Variants in SCAPER observed in about 807,000 individuals in gnomAD.
SCAPER encodes the protein S phase cyclin A-associated protein in the endoplasmic reticulum.
A neutral mutation model predicts 182.2 loss-of-function variants in SCAPER; 98 were observed. The observed-to-expected ratio is 0.54, with a 90% CI of 0.46 to 0.64. The LOEUF is 0.64. Among genes scored for constraint, SCAPER ranks in the 30% least tolerant of loss-of-function variants. The probability of loss-of-function intolerance (pLI) is 0.00; values close to 1 mark genes in which losing one functional copy is unlikely to be tolerated. For synonymous variants in SCAPER, 605 were observed against 564.6 expected (o/e 1.07, Z -1.01); for missense variants, 1,432 against 1,690.0 (o/e 0.85, Z 2.68).
At chr15:76,535,804 T>A (rs1445836355) in intron 23 of SCAPER, among the ~76,000 whole-genome samples, 2 of 152,150 alleles carry the variant, frequency 1.3e-5, no homozygotes, top group African/African-American at 4.8e-5. Flanking sequence ...TGGTCATCAG[T>A]TTATGAATCA....
intron 26 of SCAPER, among the ~76,000 whole-genome samples, chr15:76,420,012 A>G (rs192875385): frequency 6.6e-6 from 1 of 152,314 alleles, no homozygotes; most frequent in East Asian, 1.9e-4. Flanking sequence ...GATACACCAC[A>G]TGAACAGAAA....
At position 76,681,104 on chromosome 15, in the gene SCAPER, T is replaced by C. The variant is rs144998191; in HGVS notation, c.2509-15315A>G. Among the ~76,000 whole-genome samples, 397 of 152,310 alleles carry C rather than the reference T, an allele frequency of 2.6e-3. 2 individuals are homozygous for C. The highest frequency in any genetic ancestry group is 9.0e-3 in the African/African-American group (373 of 41,556). Reference sequence around the variant, plus strand: ...TCATGGTGATGGTTCCATGGTGTTATGTATATGCCAAAATTAATTAAATTG... The same window carrying C: ...TCATGGTGATGGTTCCATGGTGTTACGTATATGCCAAAATTAATTAAATTG... On this transcript the variant is annotated intron_variant, in intron 20 of 31. Transcript: ENST00000563290.
At chr15:76,740,781 G>C (rs181846770) in intron 15 of SCAPER, among the ~76,000 whole-genome samples, 5 of 151,954 alleles carry the variant, frequency 3.3e-5, no homozygotes, top group Non-Finnish European at 7.4e-5. Flanking sequence ...GCAATGAGTC[G>C]ATTTACATAT....
intron 17 of SCAPER, among the ~76,000 whole-genome samples, chr15:76,720,804 C>G (rs1035414609): frequency 2.6e-5 from 4 of 152,070 alleles, no homozygotes; most frequent in African/African-American, 7.2e-5. Flanking sequence ...TGTTTGAGTT[C>G]ATTGTAGATT....
intron 23 of SCAPER, among the ~76,000 whole-genome samples, chr15:76,565,881 A>G (rs745445830): frequency 6.6e-6 from 1 of 152,144 alleles, no homozygotes; most frequent in Non-Finnish European, 1.5e-5. Context: ...TTGACAAAAT[A>G]TGGGTGTCAT....
At chr15:76,901,492 A>G (rs902708285) in intron 1 of SCAPER, among the ~76,000 whole-genome samples, 9 of 152,220 alleles carry the variant, frequency 5.9e-5, no homozygotes, top group African/African-American at 1.9e-4. Flanking sequence ...CTTCAAAACA[A>G]TTTAGTGAGG....
At chr15:76,471,098 CTTTTT>C in intron 25 of SCAPER, 109 bp downstream of exon 25, 1 of 515,502 alleles carries the variant, frequency 1.9e-6, no homozygotes, top group East Asian at 5.3e-5. Context: ...TCTTCTTCTT[CTTTTT>C]TTTTTTTTTC....
At chr15:76,833,107 A>G (rs936564883) in intron 5 of SCAPER, among the ~76,000 whole-genome samples, 3 of 152,062 alleles carry the variant, frequency 2.0e-5, no homozygotes, top group Non-Finnish European at 4.4e-5. Context: ...AGAAGAAAAA[A>G]CCTTAAAGGC....
intron 31 of SCAPER, chr15:76,349,852 C>G (rs981607555): frequency 2.6e-5 from 4 of 151,900 alleles, no homozygotes; most frequent in Admixed American, 2.6e-4. Flanking sequence ...CCTCAGTCCA[C>G]CAAGCAGAGA....
At chr15:76,470,919 A>G (rs1272263280) in intron 25 of SCAPER, among the ~76,000 whole-genome samples, 4 of 152,206 alleles carry the variant, frequency 2.6e-5, no homozygotes, top group African/African-American at 4.8e-5. Context: ...TTTGCATCCA[A>G]CTGATTCCAA....
At chr15:76,839,888 T>C (rs775519634) in intron 5 of SCAPER, among the ~76,000 whole-genome samples, 6 of 152,210 alleles carry the variant, frequency 3.9e-5, no homozygotes, top group Non-Finnish European at 8.8e-5. Flanking sequence ...TCAAAAAGTA[T>C]ATATATTTTT....
chr15:76,581,391 C>T (rs2469240), intron 22 of SCAPER, among the ~76,000 whole-genome samples: 147,909 of 152,292 alleles, frequency 0.97, 71,960 homozygotes, highest in South Asian at 1. Flanking sequence ...CTGATGAACA[C>T]TGATATAAAA....
chr15:76,830,784 C>T (rs150767516), intron 5 of SCAPER, among the ~76,000 whole-genome samples: 6 of 151,872 alleles, frequency 4.0e-5, no homozygotes, highest in African/African-American at 1.5e-4. Flanking sequence ...GCTTCACCCA[C>T]CAAGAAAGAT....
chr15:76,755,635 T>C (rs1374085390), intron 14 of SCAPER, among the ~76,000 whole-genome samples: 2 of 152,188 alleles, frequency 1.3e-5, no homozygotes, highest in African/African-American at 4.8e-5. Flanking sequence ...TTAAGATCCT[T>C]ATGTAATCTC....
intron 23 of SCAPER, among the ~76,000 whole-genome samples, chr15:76,557,488 A>G (rs2046277471): frequency 6.6e-6 from 1 of 152,140 alleles, no homozygotes; most frequent in Admixed American, 6.5e-5. Context: ...CTTCTTATGA[A>G]TGGTTTAGCC....
At chr15:76,391,754 G>C (rs2043715278) in intron 27 of SCAPER, among the ~76,000 whole-genome samples, 1 of 152,202 alleles carries the variant, frequency 6.6e-6, no homozygotes, top group Admixed American at 6.5e-5. Context: ...CTGACGGGAA[G>C]CTGCTAGGAT....
chr15:76,634,769 T>C (rs1426467677), intron 21 of SCAPER, among the ~76,000 whole-genome samples: 2 of 152,172 alleles, frequency 1.3e-5, no homozygotes, highest in African/African-American at 2.4e-5. Context: ...TATAGAAATA[T>C]GACCTATTTT....
chr15:76,428,013 T>C (rs923303845), intron 26 of SCAPER, among the ~76,000 whole-genome samples: 18 of 151,946 alleles, frequency 1.2e-4, no homozygotes, highest in East Asian at 3.9e-4. Flanking sequence ...TTTTGGAGGA[T>C]TGCTTGACCC....
At chr15:76,352,957 A>T (rs565056401) in intron 30 of SCAPER, among the ~76,000 whole-genome samples, 1 of 152,262 alleles carries the variant, frequency 6.6e-6, no homozygotes, top group African/African-American at 2.4e-5. Flanking sequence ...AATTAAGCCG[A>T]AAACAAAACT....
Sources: allele counts gnomAD v4.1 joint callset (sites outside exome capture counted in the v4.1 genomes callset), GRCh38; gene constraint gnomAD v4.1.1; transcripts MANE v1.5; gene names NCBI Gene and HGNC (gene_info 2026-07-23, HGNC 2026-07-21).